The following VAV3 variants were observed in gnomAD, a reference collection of about 807,000 sequenced individuals.
VAV3 encodes the protein vav guanine nucleotide exchange factor 3.
VAV3 carries 94 observed loss-of-function variants against 131.2 expected under a neutral mutation model. The observed-to-expected ratio is 0.72, with a 90% confidence interval of 0.61 to 0.85. The LOEUF is 0.85. Ranked by LOEUF, VAV3 falls within the 40% of genes least tolerant of loss-of-function variation. The pLI, the probability that VAV3 is intolerant of heterozygous loss-of-function variation, is 0.00. For synonymous variants in VAV3, 349 were observed against 342.0 expected, an observed-to-expected ratio of 1.02 and a Z score of -0.22; for missense variants, 939 against 1,002.7, an observed-to-expected ratio of 0.94 and a Z score of 0.86.
chr1:107,756,005 G>C (rs536032263), intron 11 of VAV3, among the ~76,000 whole-genome samples: 1 of 152,150 alleles, frequency 6.6e-6, no homozygotes, highest in South Asian at 2.1e-4. Context: ...GAGAGCATTC[G>C]GTCAAGGAAA....
At chr1:107,654,793 A>C (rs1157261178) in intron 19 of VAV3, among the ~76,000 whole-genome samples, 1 of 152,084 alleles carries the variant, frequency 6.6e-6, no homozygotes, top group Non-Finnish European at 1.5e-5. Context: ...ATCCCCACAA[A>C]GCTTAGAGTC....
At chr1:107,892,270 T>C (rs1389020423) in intron 1 of VAV3, among the ~76,000 whole-genome samples, 4 of 152,188 alleles carry the variant, frequency 2.6e-5, no homozygotes, top group East Asian at 1.9e-4. Context: ...AAATAACCCA[T>C]GAGAAATCTA....
chr1:107,910,217 T>C (rs1299687322), intron 1 of VAV3, among the ~76,000 whole-genome samples: 1 of 152,206 alleles, frequency 6.6e-6, no homozygotes, highest in East Asian at 1.9e-4. Context: ...TCCAAGGCCT[T>C]ACCAATACCC....
intron 24 of VAV3, among the ~76,000 whole-genome samples, chr1:107,601,947 T>TAAAATAGCAA (rs1651900003): frequency 6.6e-6 from 1 of 152,182 alleles, no homozygotes. Flanking sequence ...AGAGATCACT[T>TAAAATAGCAA]AAAATAGCAA....
chr1:107,649,249 G>T (rs564622171), intron 19 of VAV3, among the ~76,000 whole-genome samples: 6 of 152,104 alleles, frequency 3.9e-5, no homozygotes, highest in Admixed American at 3.9e-4. Flanking sequence ...TTCAGGGCTG[G>T]TGATTAACTT....
At chr1:107,952,288 C>T (rs1276395319) in intron 1 of VAV3, among the ~76,000 whole-genome samples, 2 of 151,364 alleles carry the variant, frequency 1.3e-5, no homozygotes, top group Non-Finnish European at 2.9e-5. Flanking sequence ...GGAGGGGAAC[C>T]ACACACACTG....
intron 19 of VAV3, among the ~76,000 whole-genome samples, chr1:107,654,307 C>T (rs768785021): frequency 2.6e-4 from 39 of 152,066 alleles, no homozygotes; most frequent in Non-Finnish European, 4.6e-4. Flanking sequence ...TTATAGACAA[C>T]AGTAAATCCT....
intron 1 of VAV3, among the ~76,000 whole-genome samples, chr1:107,878,063 A>C (rs369511103): frequency 1.3e-5 from 2 of 152,132 alleles, no homozygotes; most frequent in Admixed American, 6.6e-5. Flanking sequence ...TTTCAGAACA[A>C]AAGTTGAAAG....
chr1:107,736,201 C>T (rs753714703), intron 15 of VAV3, among the ~76,000 whole-genome samples: 169 of 152,234 alleles, frequency 1.1e-3, no homozygotes, highest in Non-Finnish European at 1.7e-3. Flanking sequence ...ACTGATGGAA[C>T]GTATCTCAAA....
At chr1:107,795,482 T>C (rs543644691) in intron 2 of VAV3, among the ~76,000 whole-genome samples, 14 of 152,324 alleles carry the variant, frequency 9.2e-5, no homozygotes, top group African/African-American at 1.4e-4. Context: ...TTTGGTACTA[T>C]TGTCTGTTTT....
chr1:107,586,139 GTTTTT>G (rs61276973), intron 25 of VAV3, among the ~76,000 whole-genome samples: 12 of 145,792 alleles, frequency 8.2e-5, no homozygotes, highest in African/African-American at 1.0e-4. Context: ...CCTTGGCATA[GTTTTT>G]TTTTTTTTTT....
chr1:107,921,631 T>G (rs1487504412), intron 1 of VAV3, among the ~76,000 whole-genome samples: 1 of 152,212 alleles, frequency 6.6e-6, no homozygotes, highest in Non-Finnish European at 1.5e-5. Flanking sequence ...CCCTTAGAGA[T>G]GCATTTCCTA....
intron 1 of VAV3, among the ~76,000 whole-genome samples, chr1:107,952,779 A>G (rs954663316): frequency 6.6e-6 from 1 of 152,084 alleles, no homozygotes; most frequent in African/African-American, 2.4e-5. Context: ...TTCACATTTG[A>G]ATACCCAGCA....
intron 2 of VAV3, among the ~76,000 whole-genome samples, chr1:107,832,311 T>C (rs1420415227): frequency 2.6e-5 from 4 of 152,202 alleles, no homozygotes; most frequent in African/African-American, 9.6e-5. Flanking sequence ...GGAGGAAGCA[T>C]ATAGACTCAC....
chr1:107,962,263 G>T (rs1293544394), intron 1 of VAV3, among the ~76,000 whole-genome samples: 3 of 152,166 alleles, frequency 2.0e-5, no homozygotes, highest in Non-Finnish European at 4.4e-5. Flanking sequence ...ACATGACAGG[G>T]TTGTACCAGG....
chr1:107,771,007 T>C (rs1015674993), intron 5 of VAV3, among the ~76,000 whole-genome samples: 1 of 152,188 alleles, frequency 6.6e-6, no homozygotes, highest in Admixed American at 6.5e-5. Context: ...GGAAACACCA[T>C]AAATGGTGTA....
At chr1:107,843,718 C>A (rs1668833052) in intron 2 of VAV3, among the ~76,000 whole-genome samples, 1 of 152,054 alleles carries the variant, frequency 6.6e-6, no homozygotes, top group Non-Finnish European at 1.5e-5. Flanking sequence ...CACCCTCTCC[C>A]CCCATGGGGT....
chr1:107,642,600 T>C lies in VAV3; in HGVS notation c.1914+19A>G. The stretch of plus-strand genomic sequence containing the variant: ...CTCTTGGGGTCTGCATCAGGACCCC[T>C]TTCCTGCAACAACAGTACCTGCCAA... On this transcript the variant is annotated intron_variant, in intron 20 of 26. Transcript: ENST00000370056. The C allele has an allele frequency of 1.2e-6, 2 of 1,611,076 alleles. No individual in the cohort carries two copies. Among genetic ancestry groups the C allele is most frequent in the South Asian group, 1.1e-5 (1 of 90,628 alleles).
At chr1:107,822,700 TA>T (rs1165683532) in intron 2 of VAV3, among the ~76,000 whole-genome samples, 1 of 151,530 alleles carries the variant, frequency 6.6e-6, no homozygotes, top group Admixed American at 6.6e-5. Context: ...AATAAAAAAA[TA>T]ATTAAATGAT....
Sources: allele counts gnomAD v4.1 joint callset (sites outside exome capture counted in the v4.1 genomes callset), GRCh38; gene constraint gnomAD v4.1.1; transcripts MANE v1.5; gene names NCBI Gene and HGNC (gene_info 2026-07-23, HGNC 2026-07-21).